The following IGFN1 variants were observed in gnomAD, a reference collection of about 807,000 sequenced individuals.
IGFN1 encodes immunoglobulin-like and fibronectin type III domain-containing protein 1.
Under a neutral mutation model 289.5 loss-of-function variants are expected in IGFN1, and 253 were observed. The observed-to-expected ratio is 0.87, with a 90% CI of 0.79 to 0.97. The LOEUF (loss-of-function observed/expected upper bound fraction) is 0.97, where lower values mean the gene tolerates loss of function less well. IGFN1 is among the 50% of genes least tolerant of loss of function. The probability of loss-of-function intolerance (pLI) is 0.00; values close to 1 mark genes in which losing one functional copy is unlikely to be tolerated. For synonymous variants in IGFN1, 1,706 were observed against 1,788.5 expected, an observed-to-expected ratio of 0.95 and a Z score of 1.16; for missense variants, 4,470 against 4,686.1, an observed-to-expected ratio of 0.95 and a Z score of 1.35.
intron 5 of IGFN1, 69 bp downstream of exon 5, chr1:201,197,386 G>A (rs1318677048): frequency 1.5e-5 from 14 of 963,472 alleles, no homozygotes; most frequent in African/African-American, 3.2e-5. Flanking sequence ...CAGATGCCCC[G>A]TGGCTAGTGA....
In IGFN1 at chr1:201,207,376, G is replaced by A. The variant is rs1057049066; in HGVS notation, c.2483G>A (p.Gly828Asp). ...GWTAGHRAAG[G>D]IGRIESKGTS... ...ACAGCAGGTCACAGAGCAGCAGGGG[G>A]TATTGGCAGAATAGAATCTAAGGGC... is the stretch of plus-strand genomic sequence containing the variant. Residue 828 changes from glycine (G) to aspartate (D), a missense_variant, in exon 12 of 24, where the codon GGT (glycine) becomes GAT (aspartate). By Grantham distance (94) the Gly-to-Asp change is moderately conservative. Transcript: ENST00000335211. 3.3e-6 allele frequency: 5 copies of A among 1,536,712 alleles called. No individual in the cohort carries two copies. The highest frequency in any genetic ancestry group is 4.4e-6 in the Non-Finnish European group (5 of 1,146,772).
At position 201,215,790 on chromosome 1, in the gene IGFN1, A is replaced by G. The variant is rs896615278; in HGVS notation, c.9247A>G (p.Arg3083Gly). The change falls in exon 15 of 24, where the codon AGG (arginine) becomes GGG (glycine). Residue 3083 changes from arginine to glycine, a missense_variant. This residue lies in a region of IGFN1 where 2,218 missense variants were observed against 2,114.1 expected (regional missense o/e 1.05). Coordinates refer to ENST00000335211, the MANE Select transcript of IGFN1 (RefSeq NM_001164586.2). ...CTGTGGCCAGTACAGCGTGACACTG[A>G]GGAGTGAGGGAGGCTCTGTGCAGGC... ...KDCGQYSVTL[R>G]SEGGSVQAEL... The G allele has an allele frequency of 5.6e-6, 9 of 1,598,704 alleles. No individual in the cohort carries two copies. In the Admixed American group the frequency reaches 1.0e-4, roughly 18 times the overall value.
At chr1:201,197,611 A>G (rs1230475102) in intron 5 of IGFN1, among the ~76,000 whole-genome samples, 1 of 152,208 alleles carries the variant, frequency 6.6e-6, no homozygotes, top group East Asian at 1.9e-4. Context: ...CTGCTAACTC[A>G]TTCAATGGGC....
At chr1:201,194,842 G>A (rs148595821) in intron 3 of IGFN1, among the ~76,000 whole-genome samples, 174 of 152,318 alleles carry the variant, frequency 1.1e-3, no homozygotes, top group African/African-American at 3.9e-3. Flanking sequence ...ATAGCATCCT[G>A]GTAATAAGAA....
At position 201,208,589 on chromosome 1, in the gene IGFN1, T is replaced by A; in HGVS notation, c.3696T>A (p.Tyr1232Ter). 6.7e-7 allele frequency: 1 copy of A among 1,491,012 alleles called. No homozygotes were observed. Among genetic ancestry groups the A allele is most frequent in the South Asian group, 1.3e-5 (1 of 75,232 alleles). The allele number at this position is 1,491,012 out of a possible 1,614,324, so 92.4% of individuals were successfully genotyped here. Residue 1232 changes from tyrosine (Y) to a stop codon, truncating the protein, a stop_gained, in exon 12 of 24, where the codon TAT becomes TAA. Transcript: ENST00000335211. LOFTEE classifies it high-confidence loss of function. ...AGGGAACTGGGGTCAGAACAGCCTATGGAGAAAGGTCAAGGGGCCTTGGGC... is the reference window on the plus strand; with the variant it reads ...AGGGAACTGGGGTCAGAACAGCCTAAGGAGAAAGGTCAAGGGGCCTTGGGC... ...GPQGTGVRTA[Y>*]GERSRGLGPR...
chr1:201,221,683 A>G lies in IGFN1; in HGVS notation c.10138A>G (p.Asn3380Asp). The G allele has an allele frequency of 6.2e-7, 1 of 1,613,878 alleles. No homozygotes were observed. The highest frequency in any genetic ancestry group is 8.5e-7 in the Non-Finnish European group (1 of 1,179,866). ...EGYFVRVTAV[N>D]EGGQSQPSAL... ...CTACTTCGTGCGGGTGACAGCAGTT[A>G]ATGAAGGAGGCCAGAGCCAGCCCAG... is the stretch of plus-strand genomic sequence containing the variant. Residue 3380 changes from asparagine (N) to aspartate (D), a missense_variant, in exon 19 of 24, where the codon AAT (asparagine) becomes GAT (aspartate). This residue lies in a region of IGFN1 where 2,218 missense variants were observed against 2,114.1 expected (regional missense o/e 1.05). Transcript: ENST00000335211.
chr1:201,218,529 G>C lies in IGFN1; in HGVS notation c.9770-1G>C, dbSNP rs776163795. ...GACTCACATGGGCGGGCTGTTCACA[G>C]AGAGGAGGTGGACGGTGGCGGACGT... On this transcript the variant is annotated splice_acceptor_variant, in intron 17 of 23. Transcript: ENST00000335211. LOFTEE classifies it high-confidence loss of function. The C allele has an allele frequency of 1.2e-6, 2 of 1,612,074 alleles. No homozygotes were observed. The highest frequency in any genetic ancestry group is 1.7e-6 in the Non-Finnish European group (2 of 1,179,324).
rs1347779192 is a variant in IGFN1 at position 201,226,056 on chromosome 1, C to T, written c.10719C>T (p.Ala3573=). 2 of 1,601,048 alleles carry T rather than the reference C, an allele frequency of 1.2e-6. No individual in the cohort carries two copies. Among genetic ancestry groups the T allele is most frequent in the South Asian group, 2.2e-5 (2 of 89,690 alleles). Residue 3573 remains alanine, a synonymous_variant, in exon 22 of 24, where the codon GCC becomes GCT. Coordinates refer to ENST00000335211, the MANE Select transcript of IGFN1 (RefSeq NM_001164586.2). ...ACGAATACCACTTCAGGGTGGTGGC[C>T]AAGAATGAGCTGGGGGCCAGCAAAC... ...PGHEYHFRVV[A]KNELGASKPS...
At position 201,205,236 on chromosome 1, in the gene IGFN1, T is replaced by C. The variant is rs1667351275; in HGVS notation, c.1071T>C (p.Tyr357=). ...ACCCCAGTGACAAATATGAAGTGTA[T>C]GTGTCCCCTGACGGGCTGACCCACC... ...LLHPSDKYEV[Y]VSPDGLTHRL... is the part of the protein sequence containing the mutation. The change falls in exon 11 of 24, where the codon TAT becomes TAC. Residue 357 remains tyrosine, a synonymous_variant. Transcript: ENST00000335211. 2 of 1,550,960 alleles carry C rather than the reference T, an allele frequency of 1.3e-6. No homozygotes were observed. Among genetic ancestry groups the C allele is most frequent in the Non-Finnish European group, 1.7e-6 (2 of 1,146,980 alleles).
In IGFN1 at chr1:201,207,476, C is replaced by A; in HGVS notation, c.2583C>A (p.Pro861=). ...GAHHGPGVLG[P]SGGQEGMGGI... Reference sequence around the variant, plus strand: ...ACCATGGGCCTGGAGTGCTGGGGCCCAGTGGAGGACAAGAGGGTATGGGTG... The same window carrying A: ...ACCATGGGCCTGGAGTGCTGGGGCCAAGTGGAGGACAAGAGGGTATGGGTG... The change falls in exon 12 of 24, where the codon CCC becomes CCA. Residue 861 remains proline (P), a synonymous_variant. Transcript: ENST00000335211. 1 of 1,531,170 alleles carries A rather than the reference C, an allele frequency of 6.5e-7. No individual in the cohort carries two copies. The highest frequency in any genetic ancestry group is 1.2e-5 in the South Asian group (1 of 83,340). The allele number at this position is 1,531,170 out of a possible 1,614,324, so 94.8% of individuals were successfully genotyped here. A position where few individuals can be genotyped will look rare whatever the true frequency, so the allele number is the denominator to read the frequency against.
At chr1:201,194,558 G>A (rs1666807709) in intron 3 of IGFN1, among the ~76,000 whole-genome samples, 1 of 152,190 alleles carries the variant, frequency 6.6e-6, no homozygotes, top group African/African-American at 2.4e-5. Context: ...AAACTGGGGA[G>A]CAGGGAGAGG....
chr1:201,206,313 G>C lies in IGFN1; in HGVS notation c.1420G>C (p.Gly474Arg), dbSNP rs1475362590. The C allele has an allele frequency of 6.5e-7, 1 of 1,550,196 alleles. No individual in the cohort carries two copies. The highest frequency in any genetic ancestry group is 1.4e-5 in the African/African-American group (1 of 73,050). ...GLGRHGYSLM[G>R]DKGTADSAWG... ...TGGCAGACATGGCTACTCCTTGATG[G>C]GGGACAAAGGGACAGCTGACTCAGC... Residue 474 changes from glycine (G) to arginine (R), a missense_variant, in exon 12 of 24, where the codon GGG (glycine) becomes CGG (arginine). Physicochemically the swap from Gly to Arg is moderately radical, Grantham distance 125. This residue lies in a region of IGFN1 where 2,011 missense variants were observed against 1,953.4 expected (regional missense o/e 1.03). Transcript: ENST00000335211.
intron 18 of IGFN1, 22 bp downstream of exon 18, chr1:201,218,680 G>A: frequency 6.3e-7 from 1 of 1,593,694 alleles, no homozygotes; most frequent in Non-Finnish European, 8.5e-7. Flanking sequence ...ACCAACCCAG[G>A]ATGGGGGTGG....
intron 20 of IGFN1, 75 bp downstream of exon 20, chr1:201,222,902 C>CT: frequency 1.0e-6 from 1 of 959,842 alleles, no homozygotes; most frequent in South Asian, 1.6e-5. Flanking sequence ...CTGTGGCTCT[C>CT]TTTTCTTCCC....
chr1:201,211,045 G>GT lies in IGFN1; in HGVS notation c.6156dup (p.Arg2053Ter). 6.7e-7 allele frequency: 1 copy of GT among 1,501,266 alleles called. No individual in the cohort carries two copies. The highest frequency in any genetic ancestry group is 8.9e-7 in the Non-Finnish European group (1 of 1,125,440). The allele number at this position is 1,501,266 out of a possible 1,614,324, so 93.0% of individuals were successfully genotyped here. ...AGAATAGGTTCAGGAAGTAAGGCAG[G>GT]TTTTAGGGATGGTTTAGGGAGTTCT... On this transcript the variant is annotated frameshift_variant, in exon 12 of 24. Coordinates refer to ENST00000335211, the MANE Select transcript of IGFN1 (RefSeq NM_001164586.2). LOFTEE classifies it high-confidence loss of function.
At position 201,217,440 on chromosome 1, in the gene IGFN1, T is replaced by C. The variant is rs1437511899; in HGVS notation, c.9749T>C (p.Val3250Ala). The change falls in exon 17 of 24, where the codon GTG (valine) becomes GCG (alanine). Residue 3250 changes from valine (V) to alanine (A), a missense_variant. Val to Ala is a moderately conservative substitution (Grantham distance 64). This residue lies in a region of IGFN1 where 2,218 missense variants were observed against 2,114.1 expected (regional missense o/e 1.05). Coordinates refer to ENST00000335211, the MANE Select transcript of IGFN1 (RefSeq NM_001164586.2). ...RKKGSNTWTA[V>A]NDQPVPERRW... ...AAGGGGAGCAACACCTGGACGGCAG[T>C]GAACGACCAGCCGGTGCCTGGTGAG... 6.2e-7 allele frequency: 1 copy of C among 1,614,184 alleles called. No homozygotes were observed. The highest frequency in any genetic ancestry group is 1.7e-5 in the Admixed American group (1 of 60,032).
rs747086816 is a variant in IGFN1 at position 201,209,154 on chromosome 1, G to C, written c.4261G>C (p.Gly1421Arg). The stretch of plus-strand genomic sequence containing the variant: ...TGGGATTGGAGGTTATGGGGAAATG[G>C]GGTCAGGTTATAGGGAGGATTTGGG... Reference protein sequence around the residue: ...RNGIGGYGEMGSGYREDLGAP... With the variant: ...RNGIGGYGEMRSGYREDLGAP... Residue 1421 changes from glycine to arginine, a missense_variant, in exon 12 of 24, where the codon GGG (glycine) becomes CGG (arginine). Coordinates refer to ENST00000335211, the MANE Select transcript of IGFN1 (RefSeq NM_001164586.2). 8 of 1,522,156 alleles carry C rather than the reference G, an allele frequency of 5.3e-6. No homozygotes were observed. Among genetic ancestry groups the C allele is most frequent in the Non-Finnish European group, 7.0e-6 (8 of 1,140,436 alleles). The allele number at this position is 1,522,156 out of a possible 1,614,324, so 94.3% of individuals were successfully genotyped here.
At chr1:201,214,041 A>G in intron 12 of IGFN1, 136 bp from the exon 13 acceptor site, 1 of 861,984 alleles carries the variant, frequency 1.2e-6, no homozygotes, top group East Asian at 2.7e-5. Context: ...TGGAGCCAAG[A>G]TAGCATAGGT....
chr1:201,212,951 C>T lies in IGFN1; in HGVS notation c.8058C>T (p.Cys2686=), dbSNP rs866548410. ...GAPGQEAAGG[C]RSPWSLDSKG... Reference sequence around the variant, plus strand: ...CAGGCCAAGAGGCGGCTGGTGGATGCCGAAGCCCATGGTCCCTGGATAGCA... The same window carrying T: ...CAGGCCAAGAGGCGGCTGGTGGATGTCGAAGCCCATGGTCCCTGGATAGCA... The change falls in exon 12 of 24, where the codon TGC becomes TGT. Residue 2686 remains cysteine (C), a synonymous_variant. Coordinates refer to ENST00000335211, the MANE Select transcript of IGFN1 (RefSeq NM_001164586.2). 5 of 1,551,254 alleles carry T rather than the reference C, an allele frequency of 3.2e-6. No homozygotes were observed. Among genetic ancestry groups the T allele is most frequent in the African/African-American group, 1.4e-5 (1 of 73,010 alleles).
Sources: allele counts gnomAD v4.1 joint callset (sites outside exome capture counted in the v4.1 genomes callset), GRCh38; gene constraint gnomAD v4.1.1; regional missense constraint gnomAD v4.1.1; transcripts MANE v1.5; gene names NCBI Gene and HGNC (gene_info 2026-07-23, HGNC 2026-07-21).